SNW1: variants seen among roughly 807,000 people sequenced by gnomAD.
SNW1 encodes SNW domain containing 1.
In SNW1, 9 loss-of-function variants were observed where a neutral mutation model predicts 75.6. The ratio of observed to expected loss-of-function variants is 0.12; its 90% CI spans 0.07 to 0.21. The LOEUF is 0.21. Among genes scored for constraint, SNW1 ranks in the 10% least tolerant of loss-of-function variants. SNW1 has a pLI of 1.00. For missense variants in SNW1, 409 were observed against 670.9 expected (o/e 0.61, Z 4.31); for synonymous variants, 200 against 219.1 (o/e 0.91, Z 0.77).
At chr14:77,727,745 GT>G (rs1389500132) in intron 10 of SNW1, among the ~76,000 whole-genome samples, 39 of 152,158 alleles carry the variant, frequency 2.6e-4, no homozygotes, top group Admixed American at 2.4e-3. Flanking sequence ...GGATAGTTCA[GT>G]TGATTATGAT....
intron 1 of SNW1, among the ~76,000 whole-genome samples, chr14:77,755,995 T>C (rs978883522): frequency 6.6e-6 from 1 of 152,182 alleles, no homozygotes; most frequent in Non-Finnish European, 1.5e-5. Flanking sequence ...CGCCCCGGCC[T>C]CCCAAAGTGC....
At chr14:77,721,973 C>A (rs1180622691) in intron 11 of SNW1, among the ~76,000 whole-genome samples, 1 of 152,132 alleles carries the variant, frequency 6.6e-6, no homozygotes, top group African/African-American at 2.4e-5. Flanking sequence ...GTCTTGAACT[C>A]CTGACCTCAA....
intron 3 of SNW1, among the ~76,000 whole-genome samples, chr14:77,739,337 T>G (rs563041276): frequency 6.6e-6 from 1 of 152,342 alleles, no homozygotes; most frequent in South Asian, 2.1e-4. Flanking sequence ...AACAAAATCA[T>G]GCATTGATGA....
chr14:77,723,624 A>T (rs1258632892), intron 10 of SNW1, among the ~76,000 whole-genome samples: 3 of 152,146 alleles, frequency 2.0e-5, no homozygotes, highest in African/African-American at 7.2e-5. Flanking sequence ...TGCTGGAGTC[A>T]CAGGTGTGAG....
intron 5 of SNW1, among the ~76,000 whole-genome samples, chr14:77,737,891 T>G (rs764279900): frequency 1.5e-4 from 18 of 123,704 alleles, no homozygotes; most frequent in Middle Eastern, 6.7e-3. Flanking sequence ...ACTCAGGAGG[T>G]TGAGGCAGGA....
chr14:77,734,040 GTT>G (rs1186664076), intron 8 of SNW1: 6 of 316,336 alleles, frequency 1.9e-5, no homozygotes, highest in African/African-American at 1.3e-4. Context: ...CAACCTCTTT[GTT>G]TAGGGTGAGT....
At chr14:77,754,233 A>C (rs942229480) in intron 2 of SNW1, among the ~76,000 whole-genome samples, 7 of 151,654 alleles carry the variant, frequency 4.6e-5, no homozygotes, top group African/African-American at 1.7e-4. Flanking sequence ...TAGTAGAGAC[A>C]GGGTTGCTCC....
At chr14:77,733,075 T>A (rs773811055) in intron 8 of SNW1, among the ~76,000 whole-genome samples, 5 of 152,230 alleles carry the variant, frequency 3.3e-5, no homozygotes, top group Non-Finnish European at 7.3e-5. Context: ...GAGTGCTTTA[T>A]GTAGAAGATC....
chr14:77,757,982 A>ATCTG (rs1566838357), intron 1 of SNW1, among the ~76,000 whole-genome samples: 1 of 149,754 alleles, frequency 6.7e-6, no homozygotes, highest in Non-Finnish European at 1.5e-5. Context: ...ATTTTTCTCT[A>ATCTG]TTGCAATCAA....
At chr14:77,718,310 T>G (rs1194363125) in intron 13 of SNW1, 24 bp from the exon 14 acceptor site, 1 of 1,613,992 alleles carries the variant, frequency 6.2e-7, no homozygotes, top group Non-Finnish European at 8.5e-7. Context: ...GAAAAAACTA[T>G]GAACTACTTT....
intron 11 of SNW1, chr14:77,721,182 A>G (rs2080537610): frequency 5.9e-6 from 1 of 169,120 alleles, no homozygotes; most frequent in Admixed American, 6.3e-5. Context: ...GGGGAAGTGG[A>G]TACAATTTAG....
At chr14:77,759,454 C>T (rs1450276532) in intron 1 of SNW1, among the ~76,000 whole-genome samples, 1 of 152,144 alleles carries the variant, frequency 6.6e-6, no homozygotes, top group Non-Finnish European at 1.5e-5. Flanking sequence ...GTTGAGGCTG[C>T]AGTGGGCTGT....
intron 11 of SNW1, among the ~76,000 whole-genome samples, chr14:77,721,587 T>C (rs1239195477): frequency 6.6e-6 from 1 of 152,196 alleles, no homozygotes; most frequent in Non-Finnish European, 1.5e-5. Context: ...CTGTCATTAA[T>C]TAAACACTTT....
Position 77,722,884 on chromosome 14 carries a change from G to A in SNW1, c.1130+297C>T, listed in dbSNP as rs762128369. Reference sequence around the variant, plus strand: ...TTGTGAGATGGAGTCTCGCTCTGTCGCCCAGGCTGGAATGCAGTGGCGTGA... The same window carrying A: ...TTGTGAGATGGAGTCTCGCTCTGTCACCCAGGCTGGAATGCAGTGGCGTGA... On this transcript the variant is annotated intron_variant, in intron 11 of 13. Coordinates refer to ENST00000261531, the MANE Select transcript of SNW1 (RefSeq NM_012245.3). 17 of 353,242 alleles carry A rather than the reference G, an allele frequency of 4.8e-5. No individual in the cohort carries two copies. The East Asian group carries it at 5.8e-4, about 12-fold the overall frequency. 21.9% of individuals were successfully genotyped at this position (353,242 alleles called of 1,614,324 possible). A position where few individuals can be genotyped will look rare whatever the true frequency, so the allele number is the denominator to read the frequency against.
intron 1 of SNW1, 25 bp from the exon 2 acceptor site, chr14:77,755,145 A>G (rs1283478681): frequency 6.3e-7 from 1 of 1,594,434 alleles, no homozygotes. Context: ...AATAAAAGTC[A>G]GAAATTTAAA....
In SNW1 at chr14:77,717,946, A is replaced by C; in HGVS notation, c.*142T>G. 1 of 706,800 alleles carries C rather than the reference A, an allele frequency of 1.4e-6. No individual in the cohort carries two copies. Among genetic ancestry groups the C allele is most frequent in the South Asian group, 2.5e-5 (1 of 40,732 alleles). 43.8% of individuals were successfully genotyped at this position (706,800 alleles called of 1,614,324 possible). A position where few individuals can be genotyped will look rare whatever the true frequency, so the allele number is the denominator to read the frequency against. On this transcript the variant is annotated 3_prime_UTR_variant, in exon 14 of 14. Transcript: ENST00000261531. The stretch of plus-strand genomic sequence containing the variant: ...CAAAGTAGAATTTTCTATCCCCCCC[A>C]TTTCTCCAGTAATAAAAAGTAGTGC...
rs1054443775 is a variant in SNW1, at chr14:77,748,651, G to A, written c.330+2668C>T. ...GCCCAGGCTGGAGTGCGGTGGTGCC[G>A]TCTTTAGCTCACTGCAAGCTCTGCC... On this transcript the variant is annotated intron_variant, in intron 3 of 13. Coordinates refer to ENST00000261531, the MANE Select transcript of SNW1 (RefSeq NM_012245.3). 4.0e-5 allele frequency among the ~76,000 whole-genome samples: 6 copies of A among 151,686 alleles called. No homozygotes were observed. The East Asian group carries it at 5.8e-4, about 15-fold the overall frequency.
chr14:77,757,937 TC>T (rs1474528174), intron 1 of SNW1, among the ~76,000 whole-genome samples: 1 of 138,480 alleles, frequency 7.2e-6, no homozygotes, highest in African/African-American at 2.7e-5. Flanking sequence ...TATCTATCTA[TC>T]TATCTATCTA....
At chr14:77,748,431 A>C (rs1292345259) in intron 3 of SNW1, among the ~76,000 whole-genome samples, 1 of 151,308 alleles carries the variant, frequency 6.6e-6, no homozygotes, top group Non-Finnish European at 1.5e-5. Flanking sequence ...ATAAATAAAT[A>C]AATAAAATAT....
Sources: allele counts gnomAD v4.1 joint callset (sites outside exome capture counted in the v4.1 genomes callset), GRCh38; gene constraint gnomAD v4.1.1; transcripts MANE v1.5; gene names NCBI Gene and HGNC (gene_info 2026-07-23, HGNC 2026-07-21).